The following PTPRM variants were observed in gnomAD, a reference collection of about 807,000 sequenced individuals.
The protein encoded by PTPRM is receptor-type tyrosine-protein phosphatase mu.
PTPRM carries 47 observed loss-of-function variants against 186.7 expected under a neutral mutation model. The ratio of observed to expected loss-of-function variants is 0.25; its 90% CI spans 0.20 to 0.32. The LOEUF is 0.32. Among genes scored for constraint, PTPRM ranks in the 10% least tolerant of loss-of-function variants. PTPRM has a pLI of 1.00. For missense variants in PTPRM, 1,494 were observed against 1,865.0 expected (o/e 0.80, Z 3.66); for synonymous variants, 668 against 674.9 (o/e 0.99, Z 0.16).
At chr18:8,353,304 T>G (rs531876804) in intron 23 of PTPRM, among the ~76,000 whole-genome samples, 28 of 152,250 alleles carry the variant, frequency 1.8e-4, no homozygotes, top group Admixed American at 2.0e-4. Flanking sequence ...GTGTGTGTGT[T>G]TGTTTGTTCA....
At chr18:7,638,278 GAA>G (rs1451270428) in intron 1 of PTPRM, among the ~76,000 whole-genome samples, 1 of 152,170 alleles carries the variant, frequency 6.6e-6, no homozygotes. Flanking sequence ...TACAGAAGAT[GAA>G]GACTAATAAT....
chr18:7,795,810 C>CTTT (rs397741769), intron 2 of PTPRM, among the ~76,000 whole-genome samples: 117 of 117,716 alleles, frequency 9.9e-4, no homozygotes, highest in Non-Finnish European at 6.6e-4. Flanking sequence ...TTCTTTCTTT[C>CTTT]TTTTTTTTTT....
At chr18:8,175,157 G>A (rs1451663211) in intron 14 of PTPRM, among the ~76,000 whole-genome samples, 2 of 152,124 alleles carry the variant, frequency 1.3e-5, no homozygotes, top group East Asian at 1.9e-4. Flanking sequence ...ATTGAGCTTC[G>A]TAATTAGACT....
At chr18:7,589,453 C>T (rs1051945236) in intron 1 of PTPRM, among the ~76,000 whole-genome samples, 1 of 152,138 alleles carries the variant, frequency 6.6e-6, no homozygotes, top group African/African-American at 2.4e-5. Flanking sequence ...CTGGGACTCT[C>T]ATACTCATGG....
At chr18:8,274,047 A>G (rs140890786) in intron 19 of PTPRM, among the ~76,000 whole-genome samples, 8 of 152,298 alleles carry the variant, frequency 5.3e-5, no homozygotes, top group African/African-American at 1.9e-4. Flanking sequence ...ACCAGGTAGC[A>G]CTAGTACTTC....
intron 18 of PTPRM, among the ~76,000 whole-genome samples, chr18:8,252,766 C>A (rs528083892): frequency 6.6e-6 from 1 of 152,324 alleles, no homozygotes; most frequent in South Asian, 2.1e-4. Context: ...TGTATTAAGT[C>A]CCCATTTCCA....
intron 23 of PTPRM, among the ~76,000 whole-genome samples, chr18:8,351,270 G>T (rs2095532668): frequency 6.6e-6 from 1 of 152,134 alleles, no homozygotes; most frequent in Non-Finnish European, 1.5e-5. Context: ...ATAAGTTTTA[G>T]CCCTTCCTCA....
At chr18:7,859,217 A>G (rs1367547843) in intron 2 of PTPRM, among the ~76,000 whole-genome samples, 2 of 152,170 alleles carry the variant, frequency 1.3e-5, no homozygotes, top group Non-Finnish European at 2.9e-5. Flanking sequence ...ATATATGATA[A>G]ATATGTATTA....
At chr18:8,321,800 T>C (rs1568743341) in intron 22 of PTPRM, among the ~76,000 whole-genome samples, 1 of 152,130 alleles carries the variant, frequency 6.6e-6, no homozygotes, top group Non-Finnish European at 1.5e-5. Flanking sequence ...GTCAAGAATA[T>C]ACATATCATA....
chr18:8,151,709 A>AC (rs1312313571), intron 14 of PTPRM, among the ~76,000 whole-genome samples: 1 of 151,342 alleles, frequency 6.6e-6, no homozygotes, highest in African/African-American at 2.4e-5. Flanking sequence ...AAAAAAAAAA[A>AC]AAACTCCTGG....
Position 7,668,447 on chromosome 18 carries a change from C to T in PTPRM, c.73+100556C>T, listed in dbSNP as rs1438380503. On this transcript the variant is annotated intron_variant, in intron 1 of 32. Coordinates refer to ENST00000580170, the MANE Select transcript of PTPRM (RefSeq NM_001105244.2). This position sits in a 1 kb window ranked among gnomAD's most constrained non-coding sequence, Gnocchi z 4.7. ...GTTTTACACATTTTTGTTGGATATT[C>T]CCTGCTTGGCCCCTTGACTCCTAGA... Among the ~76,000 whole-genome samples, 1 of 152,202 alleles carries T rather than the reference C, an allele frequency of 6.6e-6. No individual in the cohort carries two copies. Among genetic ancestry groups the T allele is most frequent in the South Asian group, 2.1e-4 (1 of 4,826 alleles).
chr18:7,976,132 G>A (rs922332193), intron 7 of PTPRM, among the ~76,000 whole-genome samples: 10 of 152,098 alleles, frequency 6.6e-5, no homozygotes, highest in African/African-American at 2.4e-4. Flanking sequence ...TCGCGCCATT[G>A]CATTCCAGCC....
intron 19 of PTPRM, among the ~76,000 whole-genome samples, chr18:8,286,559 T>G (rs996221269): frequency 3.3e-5 from 5 of 152,246 alleles, no homozygotes; most frequent in African/African-American, 1.2e-4. Context: ...CCATGTGATC[T>G]AAAGTGAGAG....
Position 8,050,853 on chromosome 18 carries a change from G to A in PTPRM, c.1133-18833G>A, listed in dbSNP as rs145231560. 6.2e-4 allele frequency among the ~76,000 whole-genome samples: 95 copies of A among 152,226 alleles called. 1 individual carries two copies. Among genetic ancestry groups the A allele is most frequent in the African/African-American group, 2.1e-3 (87 of 41,534 alleles). On this transcript the variant is annotated intron_variant, in intron 7 of 32. Coordinates refer to ENST00000580170, the MANE Select transcript of PTPRM (RefSeq NM_001105244.2). Reference sequence around the variant, plus strand: ...CCTGCCTGACTGCTCTCTTCCTCCTGATGTGACAGCCCTGAGTTCCATTTC... The same window carrying A: ...CCTGCCTGACTGCTCTCTTCCTCCTAATGTGACAGCCCTGAGTTCCATTTC...
In PTPRM at chr18:8,289,559, TACAC is replaced by T. The variant is rs201042014; in HGVS notation, c.2755-6807_2755-6804del. On this transcript the variant is annotated intron_variant, in intron 19 of 32. Coordinates refer to ENST00000580170, the MANE Select transcript of PTPRM (RefSeq NM_001105244.2). ...ACACATATATATATATACATATATATACACATATATATATATACATATATATATA... is the reference window on the plus strand; with the variant it reads ...ACACATATATATATATACATATATATATATATATATATACATATATATATA... 1.3e-4 allele frequency among the ~76,000 whole-genome samples: 13 copies of T among 101,174 alleles called. 1 individual carries two copies. The highest frequency in any genetic ancestry group is 6.4e-4 in the South Asian group (2 of 3,116). The allele number at this position is 101,174 out of a possible 152,430, so 66.4% of individuals were successfully genotyped here. A position where few individuals can be genotyped will look rare whatever the true frequency, so the allele number is the denominator to read the frequency against.
chr18:7,819,113 G>C (rs1373724238), intron 2 of PTPRM, among the ~76,000 whole-genome samples: 3 of 152,192 alleles, frequency 2.0e-5, no homozygotes, highest in Admixed American at 6.5e-5. Flanking sequence ...TACTTCTATG[G>C]TGTTATTGAT....
intron 7 of PTPRM, among the ~76,000 whole-genome samples, chr18:7,961,776 T>C (rs926467835): frequency 2.6e-5 from 4 of 151,994 alleles, no homozygotes; most frequent in African/African-American, 9.7e-5. Flanking sequence ...TTTTTATAAA[T>C]GTGATTTTTT....
chr18:8,116,778 A>G (rs1054286185), intron 13 of PTPRM, among the ~76,000 whole-genome samples: 2 of 152,242 alleles, frequency 1.3e-5, no homozygotes, highest in South Asian at 2.1e-4. Context: ...GATTTCATCA[A>G]TATTGTAATT....
intron 20 of PTPRM, among the ~76,000 whole-genome samples, chr18:8,303,069 G>A (rs1036191912): frequency 1.3e-5 from 2 of 152,098 alleles, no homozygotes; most frequent in African/African-American, 4.8e-5. Context: ...GCAGGAGGAG[G>A]TGATCTGTGG....
Sources: allele counts gnomAD v4.1 joint callset (sites outside exome capture counted in the v4.1 genomes callset), GRCh38; gene constraint gnomAD v4.1.1; non-coding constraint Gnocchi (gnomAD v3.1); transcripts MANE v1.5; gene names NCBI Gene and HGNC (gene_info 2026-07-23, HGNC 2026-07-21).